The following PKNOX1 variants were observed in gnomAD, a reference collection of about 807,000 sequenced individuals.
PKNOX1 encodes PBX/knotted 1 homeobox 1.
PKNOX1 carries 15 observed loss-of-function variants against 51.9 expected under a neutral mutation model. The observed-to-expected ratio is 0.29, with a 90% CI of 0.19 to 0.45. PKNOX1 has a LOEUF of 0.45. Among genes scored for constraint, PKNOX1 ranks in the 20% least tolerant of loss-of-function variants. The pLI is 1.00. For missense variants in PKNOX1, 462 were observed against 547.5 expected (o/e 0.84, Z 1.56); for synonymous variants, 219 against 211.1 (o/e 1.04, Z -0.32).
chr21:43,000,753 T>C (rs1030078214), intron 1 of PKNOX1, among the ~76,000 whole-genome samples: 2 of 152,130 alleles, frequency 1.3e-5, no homozygotes, highest in African/African-American at 4.8e-5. Context: ...CATGGTGGTG[T>C]GGGCCTGTAG....
chr21:42,978,692 C>T (rs1219129996), intron 1 of PKNOX1, among the ~76,000 whole-genome samples: 2 of 152,036 alleles, frequency 1.3e-5, no homozygotes, highest in Non-Finnish European at 2.9e-5. Context: ...CCGTATTGGC[C>T]AGGCTGGTCT....
Position 42,991,521 on chromosome 21 carries a change from T to C in PKNOX1, c.-56-12805T>C, listed in dbSNP as rs371571325. Among the ~76,000 whole-genome samples, 8 of 152,126 alleles carry C rather than the reference T, an allele frequency of 5.3e-5. No homozygotes were observed. In the South Asian group the frequency reaches 6.2e-4, roughly 12 times the overall value. Reference sequence around the variant, plus strand: ...GCAGTAGGATCATGAGGTCAGGAGATTGAGACCATCCTGGCTAACACAGTG... The same window carrying C: ...GCAGTAGGATCATGAGGTCAGGAGACTGAGACCATCCTGGCTAACACAGTG... On this transcript the variant is annotated intron_variant, in intron 1 of 10. Transcript: ENST00000291547.
chr21:43,024,583 G>C, intron 8 of PKNOX1: 8 of 367,134 alleles, frequency 2.2e-5, no homozygotes, highest in South Asian at 1.3e-4. Context: ...CCGCTGGACT[G>C]CATAGCTGCT....
At chr21:42,977,872 C>T (rs2059005576) in intron 1 of PKNOX1, among the ~76,000 whole-genome samples, 1 of 151,964 alleles carries the variant, frequency 6.6e-6, no homozygotes, top group African/African-American at 2.4e-5. Context: ...TCTTCCTCAC[C>T]TCTCTCAGCC....
intron 5 of PKNOX1, among the ~76,000 whole-genome samples, chr21:43,015,672 GA>G (rs1979459187): frequency 6.6e-6 from 1 of 152,120 alleles, no homozygotes; most frequent in African/African-American, 2.4e-5. Flanking sequence ...AAATGTTTGA[GA>G]AATAGAATTG....
intron 1 of PKNOX1, among the ~76,000 whole-genome samples, chr21:42,979,961 C>T (rs748754730): frequency 3.3e-5 from 5 of 152,180 alleles, no homozygotes; most frequent in South Asian, 2.1e-4. Context: ...TAACCTTCTG[C>T]GCTTATGATC....
intron 4 of PKNOX1, among the ~76,000 whole-genome samples, chr21:43,011,254 A>G (rs1458002090): frequency 6.6e-6 from 1 of 151,680 alleles, no homozygotes; most frequent in African/African-American, 2.4e-5. Flanking sequence ...TATTTTTAGT[A>G]GAGACGGGAT....
chr21:43,015,268 T>C (rs1031369484), intron 5 of PKNOX1, among the ~76,000 whole-genome samples: 2 of 152,260 alleles, frequency 1.3e-5, no homozygotes, highest in Non-Finnish European at 2.9e-5. Context: ...TTATCCTATA[T>C]TGCTTTTTTT....
At chr21:43,011,353 G>A (rs1009992746) in intron 4 of PKNOX1, among the ~76,000 whole-genome samples, 1 of 152,140 alleles carries the variant, frequency 6.6e-6, no homozygotes, top group Non-Finnish European at 1.5e-5. Context: ...ACAGGTGTGA[G>A]CCACCACGCC....
At chr21:43,017,751 T>G (rs777750508) in intron 6 of PKNOX1, 3 of 180,602 alleles carry the variant, frequency 1.7e-5, no homozygotes, top group Admixed American at 5.7e-5. Flanking sequence ...GCCAGGCACA[T>G]AGCGCCCACC....
intron 8 of PKNOX1, among the ~76,000 whole-genome samples, chr21:43,024,090 C>G (rs1477060810): frequency 6.6e-6 from 1 of 152,120 alleles, no homozygotes; most frequent in East Asian, 1.9e-4. Flanking sequence ...AGAAGAATAC[C>G]ATAGCAGGCA....
intron 10 of PKNOX1, 187 bp downstream of exon 10, chr21:43,029,061 G>A: frequency 1.6e-6 from 1 of 628,038 alleles, no homozygotes; most frequent in Non-Finnish European, 2.8e-6. Flanking sequence ...CTCAGTAAGA[G>A]TTAGGAGCAC....
intron 5 of PKNOX1, among the ~76,000 whole-genome samples, chr21:43,016,610 G>A (rs886800300): frequency 2.0e-5 from 3 of 152,194 alleles, no homozygotes; most frequent in Admixed American, 6.5e-5. Flanking sequence ...GGTCTTCCTC[G>A]ATATACTCCT....
chr21:43,000,044 TC>T (rs1367180316), intron 1 of PKNOX1, among the ~76,000 whole-genome samples: 1 of 151,980 alleles, frequency 6.6e-6, no homozygotes, highest in Admixed American at 6.6e-5. Flanking sequence ...GTTCCCCACC[TC>T]CGAGACCTCC....
chr21:42,999,793 TA>T (rs1978666653), intron 1 of PKNOX1, among the ~76,000 whole-genome samples: 1 of 152,222 alleles, frequency 6.6e-6, no homozygotes, highest in African/African-American at 2.4e-5. Flanking sequence ...TTTTCTTTTC[TA>T]TCACATTGTC....
chr21:42,993,190 G>A (rs1376393067), intron 1 of PKNOX1, among the ~76,000 whole-genome samples: 1 of 152,160 alleles, frequency 6.6e-6, no homozygotes, highest in African/African-American at 2.4e-5. Context: ...ATAGAGTTGG[G>A]GGATGCACTG....
At chr21:42,999,121 A>G (rs769498025) in intron 1 of PKNOX1, among the ~76,000 whole-genome samples, 18 of 152,272 alleles carry the variant, frequency 1.2e-4, no homozygotes, top group South Asian at 4.1e-4. Context: ...CCAAACCTCA[A>G]TTCTTGACTT....
In PKNOX1 at chr21:43,023,046, G is replaced by A. The variant is rs141869255; in HGVS notation, c.849+1615G>A. The stretch of plus-strand genomic sequence containing the variant: ...GCCCATCATGTCCAGTGAAGACGCC[G>A]CGTTTTTTCCTGTGGGGCGTCCTCA... On this transcript the variant is annotated intron_variant, in intron 8 of 10. Transcript: ENST00000291547. Among the ~76,000 whole-genome samples, 19 of 152,040 alleles carry A rather than the reference G, an allele frequency of 1.2e-4. No homozygotes were observed. The East Asian group carries it at 1.9e-3, about 15-fold the overall frequency.
At chr21:43,016,755 G>A (rs1313571925) in intron 5 of PKNOX1, among the ~76,000 whole-genome samples, 153 bp from the exon 6 acceptor site, 1 of 152,158 alleles carries the variant, frequency 6.6e-6, no homozygotes, top group East Asian at 1.9e-4. Flanking sequence ...TGTGTGCTGC[G>A]TGCATTCTGA....
Sources: allele counts gnomAD v4.1 joint callset (sites outside exome capture counted in the v4.1 genomes callset), GRCh38; gene constraint gnomAD v4.1.1; transcripts MANE v1.5; gene names NCBI Gene and HGNC (gene_info 2026-07-23, HGNC 2026-07-21).